Variants in SMARCA4 observed in about 807,000 individuals in gnomAD.
SMARCA4 encodes SWI/SNF-related matrix-associated actin-dependent regulator of chromatin subfamily A member 4.
In SMARCA4, 31 loss-of-function variants were observed where a neutral mutation model predicts 193.9. That is an observed-to-expected ratio of 0.16 (90% CI 0.12 to 0.22). The LOEUF is 0.22. SMARCA4 is among the 10% of genes least tolerant of loss of function. The pLI, the probability that SMARCA4 is intolerant of heterozygous loss-of-function variation, is 1.00. For missense variants in SMARCA4, 1,148 were observed against 2,296.0 expected (o/e 0.50, Z 10.22); for synonymous variants, 942 against 933.1 (o/e 1.01, Z -0.17).
chr19:11,023,368 G>C (rs1232316184), intron 19 of SMARCA4, 150 bp from the exon 20 acceptor site: 1 of 676,280 alleles, frequency 1.5e-6, no homozygotes, highest in Non-Finnish European at 2.7e-6. Context: ...CTCCCAGAAA[G>C]CATAAAGCAG....
chr19:11,021,488 C>A, intron 18 of SMARCA4: 1 of 647,772 alleles, frequency 1.5e-6, no homozygotes, highest in Admixed American at 2.2e-5. Context: ...CATTGTTCAC[C>A]TGCCAATAGT....
chr19:11,021,218 A>G lies in SMARCA4; in HGVS notation c.2617-507A>G, dbSNP rs1433267869. 1.6e-5 allele frequency: 4 copies of G among 244,836 alleles called. No individual in the cohort carries two copies. The Admixed American group carries it at 2.0e-4, about 12-fold the overall frequency. 15.2% of individuals were successfully genotyped at this position (244,836 alleles called of 1,614,324 possible). ...GTGGGAGTGCTCTTTGAGTGCGGCCACTGCGCCCCCTCCCGACCCGCATGG... is the reference window on the plus strand; with the variant it reads ...GTGGGAGTGCTCTTTGAGTGCGGCCGCTGCGCCCCCTCCCGACCCGCATGG... On this transcript the variant is annotated intron_variant, in intron 18 of 34. Coordinates refer to ENST00000344626, the MANE Select transcript of SMARCA4 (RefSeq NM_003072.5).
intron 8 of SMARCA4, among the ~76,000 whole-genome samples, chr19:10,992,984 C>CT (rs758452838): frequency 0.023 from 2,496 of 109,298 alleles, 102 homozygotes; most frequent in African/African-American, 0.049. Flanking sequence ...TAAAACTTTG[C>CT]TTTTTTTTTT....
chr19:11,047,253 T>A (rs1184514072), intron 30 of SMARCA4, among the ~76,000 whole-genome samples: 1 of 152,126 alleles, frequency 6.6e-6, no homozygotes, highest in Non-Finnish European at 1.5e-5. Context: ...ATGGGGCCTC[T>A]TGGGGGCCAA....
intron 1 of SMARCA4, among the ~76,000 whole-genome samples, chr19:10,963,394 AAAAG>A (rs1484973791): frequency 1.4e-5 from 2 of 145,724 alleles, no homozygotes; most frequent in African/African-American, 5.0e-5. Flanking sequence ...AAAAAAAAGA[AAAAG>A]AAAGCTTGGT....
At chr19:10,968,537 G>A (rs971233615) in intron 1 of SMARCA4, among the ~76,000 whole-genome samples, 13 of 151,620 alleles carry the variant, frequency 8.6e-5, no homozygotes, top group African/African-American at 3.2e-4. Flanking sequence ...TTTTAGAGAC[G>A]GAGACTCGCT....
intron 9 of SMARCA4, 189 bp downstream of exon 9, chr19:10,995,190 A>G (rs1228282922): frequency 1.4e-6 from 1 of 695,024 alleles, no homozygotes; most frequent in East Asian, 2.7e-5. Context: ...CTCTCTGATC[A>G]TCAGAATGAC....
chr19:11,026,495 A>ATAT, intron 23 of SMARCA4, 149 bp downstream of exon 23: 1 of 587,768 alleles, frequency 1.7e-6, no homozygotes, highest in Non-Finnish European at 3.0e-6. Flanking sequence ...AATAATACAA[A>ATAT]TCTTTTTTTT....
intron 1 of SMARCA4, among the ~76,000 whole-genome samples, chr19:10,963,180 C>T (rs1207759503): frequency 6.6e-6 from 1 of 151,678 alleles, no homozygotes. Flanking sequence ...TGAGACTAAC[C>T]TGGGCAACAT....
Position 11,041,821 on chromosome 19 carries a change from A to G in SMARCA4, c.4424+261A>G, listed in dbSNP as rs752922290. Among the ~76,000 whole-genome samples, 2 of 152,164 alleles carry G rather than the reference A, an allele frequency of 1.3e-5. No homozygotes were observed. The highest frequency in any genetic ancestry group is 2.9e-5 in the Non-Finnish European group (2 of 68,010). On this transcript the variant is annotated intron_variant, in intron 30 of 34. Transcript: ENST00000344626. The surrounding 1 kb of genome is among the most constrained non-coding windows in gnomAD (Gnocchi z 5.6). The stretch of plus-strand genomic sequence containing the variant: ...GAGGCAGGGGTGCGGGTCTCGGAGA[A>G]GGGGACATTGCAGCAGAGCCTTGAG...
chr19:11,045,299 G>A (rs913461041), intron 30 of SMARCA4, among the ~76,000 whole-genome samples: 4 of 151,882 alleles, frequency 2.6e-5, no homozygotes, highest in Non-Finnish European at 4.4e-5. Flanking sequence ...CAGCCTGGGC[G>A]ACAGAGCGGG....
intron 25 of SMARCA4, chr19:11,032,984 A>C: frequency 2.1e-6 from 1 of 473,864 alleles, no homozygotes; most frequent in Non-Finnish European, 3.9e-6. Flanking sequence ...TGCCGCTGCC[A>C]CGGGAGCTGC....
chr19:11,002,251 G>A (rs902630547), intron 11 of SMARCA4, among the ~76,000 whole-genome samples: 4 of 152,082 alleles, frequency 2.6e-5, no homozygotes, highest in African/African-American at 9.7e-5. Flanking sequence ...AGGCCGAGGC[G>A]GGCAGATCAC....
intron 1 of SMARCA4, among the ~76,000 whole-genome samples, chr19:10,964,926 GGT>G (rs1358062712): frequency 2.0e-5 from 3 of 152,112 alleles, no homozygotes; most frequent in African/African-American, 7.2e-5. Context: ...CAGCCAGTCT[GGT>G]GGAACTTTCT....
At chr19:11,000,227 C>CAA (rs113601283) in intron 11 of SMARCA4, among the ~76,000 whole-genome samples, 2 of 109,650 alleles carry the variant, frequency 1.8e-5, no homozygotes, top group Non-Finnish European at 3.9e-5. Context: ...GATTCTGTCT[C>CAA]AAAAAAAAAA....
In SMARCA4 at chr19:11,021,371, C is replaced by T. The variant is rs550881845; in HGVS notation, c.2617-354C>T. 835 of 386,280 alleles carry T rather than the reference C, an allele frequency of 2.2e-3. 1 individual carries two copies. Among genetic ancestry groups the T allele is most frequent in the Non-Finnish European group, 3.5e-3 (684 of 196,068 alleles). 23.9% of individuals were successfully genotyped at this position (386,280 alleles called of 1,614,324 possible). On this transcript the variant is annotated intron_variant, in intron 18 of 34. Coordinates refer to ENST00000344626, the MANE Select transcript of SMARCA4 (RefSeq NM_003072.5). ...CCTCCACACCAGCAGGACAAGTCCC[C>T]CAGTCAGCAAGATGTGTCTTCTGCC...
chr19:11,014,380 GTTTC>G (rs1315845416), intron 16 of SMARCA4, among the ~76,000 whole-genome samples: 3 of 152,236 alleles, frequency 2.0e-5, no homozygotes, highest in Non-Finnish European at 2.9e-5. Flanking sequence ...CTGTGGAACT[GTTTC>G]TTTCTTCTAT....
rs1331955543 is a variant in SMARCA4 at position 11,034,485 on chromosome 19, C to G, written c.3951+285C>G. On this transcript the variant is annotated intron_variant, in intron 28 of 34. Transcript: ENST00000344626. The surrounding 1 kb of genome is among the most constrained non-coding windows in gnomAD (Gnocchi z 7.0). ...GGCTCTCCAGGGCTTCATGCACTCC[C>G]TTTCAGAGGGAGTTCGCCCTATCCA... Among the ~76,000 whole-genome samples, 1 of 152,188 alleles carries G rather than the reference C, an allele frequency of 6.6e-6. No homozygotes were observed. Among genetic ancestry groups the G allele is most frequent in the South Asian group, 2.1e-4 (1 of 4,828 alleles).
chr19:11,010,101 C>T (rs1459897051), intron 14 of SMARCA4, among the ~76,000 whole-genome samples: 1 of 152,194 alleles, frequency 6.6e-6, no homozygotes, highest in East Asian at 1.9e-4. Flanking sequence ...GTTGAAATTA[C>T]AGGCGTGAGC....
Sources: gnomAD v4.1 joint callset for allele counts (sites outside exome capture counted in the v4.1 genomes callset) on GRCh38, gnomAD v4.1.1 for gene constraint, Gnocchi (gnomAD v3.1) non-coding constraint, MANE v1.5 for transcripts, NCBI Gene and HGNC (gene_info 2026-07-23, HGNC 2026-07-21) for gene names.